SH3BGRL: variants seen among roughly 807,000 people sequenced by gnomAD.
SH3BGRL encodes the protein SH3 domain binding glutamate rich protein like.
A neutral mutation model predicts 9.8 loss-of-function variants in SH3BGRL; 7 were observed. That is an observed-to-expected ratio of 0.72 (90% CI 0.41 to 1.35). SH3BGRL has a LOEUF of 1.35. Ranked by LOEUF, SH3BGRL falls within the 40% of genes most tolerant of loss-of-function variation. The pLI is 0.01. For missense variants in SH3BGRL, 73 were observed against 84.4 expected (o/e 0.86, Z 0.53); for synonymous variants, 36 against 29.1 (o/e 1.24, Z -0.76).
At chrX:81,252,866 AT>A (rs1226401316) in intron 1 of SH3BGRL, among the ~76,000 whole-genome samples, 9 of 108,286 alleles carry the variant, frequency 8.3e-5, no homozygotes, top group Non-Finnish European at 1.7e-4. Flanking sequence ...ATTTCCTGTA[AT>A]TTATACTTAC....
chrX:81,237,878 T>C (rs917817740), intron 1 of SH3BGRL, among the ~76,000 whole-genome samples: 1 of 105,598 alleles, frequency 9.5e-6, no homozygotes, highest in Non-Finnish European at 1.9e-5. Context: ...GAGGACTTTG[T>C]CTTGTATCTT....
chrX:81,256,897 A>G (rs1358404212), intron 1 of SH3BGRL, among the ~76,000 whole-genome samples: 1 of 111,550 alleles, frequency 9.0e-6, no homozygotes, highest in African/African-American at 3.3e-5. Context: ...AGACTTTCCT[A>G]TATTATGGTT....
At chrX:81,243,660 A>G (rs1194225749) in intron 1 of SH3BGRL, among the ~76,000 whole-genome samples, 1 of 111,311 alleles carries the variant, frequency 9.0e-6, no homozygotes, top group Non-Finnish European at 1.9e-5. Context: ...TGTCTGTTTC[A>G]AAACATCTCA....
At chrX:81,222,396 C>T (rs1671558373) in intron 1 of SH3BGRL, among the ~76,000 whole-genome samples, 1 of 96,502 alleles carries the variant, frequency 1.0e-5, no homozygotes, top group Admixed American at 1.3e-4. Context: ...TAGTTCAATT[C>T]CCATCTATGA....
At chrX:81,291,521 G>A (rs2075858073) in intron 3 of SH3BGRL, among the ~76,000 whole-genome samples, 1 of 111,535 alleles carries the variant, frequency 9.0e-6, no homozygotes, top group Admixed American at 9.5e-5. Flanking sequence ...ATTTGGGTGG[G>A]GATGCAGAGC....
chrX:81,241,663 T>C (rs751323420), intron 1 of SH3BGRL, among the ~76,000 whole-genome samples: 3 of 112,019 alleles, frequency 2.7e-5, no homozygotes, highest in East Asian at 5.7e-4. Flanking sequence ...TTCACTGTGT[T>C]GTGGGCAACA....
intron 3 of SH3BGRL, among the ~76,000 whole-genome samples, chrX:81,281,813 T>C (rs1175783645): frequency 1.8e-5 from 2 of 112,060 alleles, no homozygotes; most frequent in Admixed American, 1.9e-4. Flanking sequence ...AAGAGCACAA[T>C]GAATGCAATG....
intron 1 of SH3BGRL, among the ~76,000 whole-genome samples, chrX:81,228,756 T>C (rs1040391535): frequency 8.0e-5 from 9 of 111,990 alleles, no homozygotes; most frequent in Admixed American, 5.7e-4. Flanking sequence ...TCATATGTTT[T>C]GGTCTACAGT....
intron 1 of SH3BGRL, among the ~76,000 whole-genome samples, chrX:81,217,742 G>A (rs1006155867): frequency 9.0e-6 from 1 of 111,452 alleles, no homozygotes; most frequent in South Asian, 3.7e-4. Flanking sequence ...TGGGTAGAAT[G>A]TTCTGTAAAT....
At chrX:81,210,281 A>G (rs181899510) in intron 1 of SH3BGRL, among the ~76,000 whole-genome samples, 47 of 111,655 alleles carry the variant, frequency 4.2e-4, no homozygotes, top group African/African-American at 1.5e-3. Flanking sequence ...TAAGTGCAGC[A>G]TGTTTTTCTG....
chrX:81,275,725 G>A (rs1602624004), intron 1 of SH3BGRL, among the ~76,000 whole-genome samples: 1 of 112,238 alleles, frequency 8.9e-6, no homozygotes, highest in Non-Finnish European at 1.9e-5. Flanking sequence ...GATTCTAACT[G>A]ATCTTTAAAG....
intron 1 of SH3BGRL, among the ~76,000 whole-genome samples, chrX:81,235,540 A>G (rs1289172987): frequency 9.0e-6 from 1 of 111,105 alleles, no homozygotes; most frequent in Non-Finnish European, 1.9e-5. Context: ...CTGTTTTCAG[A>G]TATGATATAT....
At chrX:81,268,044 G>T (rs1244625425) in intron 1 of SH3BGRL, among the ~76,000 whole-genome samples, 1 of 111,772 alleles carries the variant, frequency 8.9e-6, no homozygotes, top group Non-Finnish European at 1.9e-5. Flanking sequence ...TTGTATTTCT[G>T]TGGGATTGGT....
intron 1 of SH3BGRL, among the ~76,000 whole-genome samples, chrX:81,203,517 G>A (rs2075536337): frequency 9.0e-6 from 1 of 111,672 alleles, no homozygotes; most frequent in Non-Finnish European, 1.9e-5. Flanking sequence ...AATTTTATGA[G>A]CCTCTTGCTT....
Position 81,212,245 on chromosome X carries a change from T to TA in SH3BGRL, c.45+10010dup, listed in dbSNP as rs199711530. On this transcript the variant is annotated intron_variant, in intron 1 of 3. Transcript: ENST00000373212. ...CCCTGTCTCTACAAAAAATAAAAAA[T>TA]AAAAAAAAAAGAATAAAGATGTTAA... 3.2e-3 allele frequency among the ~76,000 whole-genome samples: 336 copies of TA among 104,076 alleles called. 2 individuals are homozygous for TA. The highest frequency in any genetic ancestry group is 7.8e-3 in the African/African-American group (225 of 28,686). 90.4% of individuals were successfully genotyped at this position (104,076 alleles called of 115,157 possible). A position where few individuals can be genotyped will look rare whatever the true frequency, so the allele number is the denominator to read the frequency against.
At chrX:81,290,605 G>A (rs1364385065) in intron 3 of SH3BGRL, among the ~76,000 whole-genome samples, 1 of 110,758 alleles carries the variant, frequency 9.0e-6, no homozygotes, top group Non-Finnish European at 1.9e-5. Flanking sequence ...TGAGAAGTGG[G>A]TTTGGTTAAT....
chrX:81,242,150 C>A (rs181474456), intron 1 of SH3BGRL, among the ~76,000 whole-genome samples: 3 of 112,220 alleles, frequency 2.7e-5, no homozygotes, highest in African/African-American at 9.7e-5. Flanking sequence ...CCCCAAGAAT[C>A]CCATGACAAA....
intron 1 of SH3BGRL, chrX:81,255,766 A>G (rs192550363): frequency 8.9e-6 from 1 of 112,268 alleles, no homozygotes; most frequent in East Asian, 2.8e-4. Flanking sequence ...TATGGTTGCC[A>G]CTGTAATAAC....
intron 3 of SH3BGRL, among the ~76,000 whole-genome samples, chrX:81,289,687 G>A (rs1036130366): frequency 1.8e-5 from 2 of 110,563 alleles, no homozygotes; most frequent in East Asian, 2.9e-4. Flanking sequence ...GTGAAACCCC[G>A]TCTCTACTAA....
Sources: allele counts gnomAD v4.1 joint callset (sites outside exome capture counted in the v4.1 genomes callset), GRCh38; gene constraint gnomAD v4.1.1; transcripts MANE v1.5; gene names NCBI Gene and HGNC (gene_info 2026-07-23, HGNC 2026-07-21).